Variants in CCDC172 observed in about 807,000 individuals in gnomAD.
CCDC172 encodes coiled-coil domain containing 172, also known as coiled-coil domain-containing protein 172.
In CCDC172, 30 loss-of-function variants were observed where a neutral mutation model predicts 38.0. The observed-to-expected ratio is 0.79, with a 90% CI of 0.59 to 1.07. The LOEUF (loss-of-function observed/expected upper bound fraction) is 1.07. Ranked by LOEUF, CCDC172 falls within the 50% of genes least tolerant of loss-of-function variation. CCDC172 has a pLI of 0.00. For synonymous variants in CCDC172, 78 were observed against 88.3 expected, an observed-to-expected ratio of 0.88 and a Z score of 0.66; for missense variants, 297 against 290.1, an observed-to-expected ratio of 1.02 and a Z score of -0.17.
chr10:116,353,374 T>A (rs1203024635), intron 5 of CCDC172, among the ~76,000 whole-genome samples: 1 of 152,140 alleles, frequency 6.6e-6, no homozygotes, highest in South Asian at 2.1e-4. Context: ...AGCAATAAAG[T>A]ATAGATAAAT....
intron 3 of CCDC172, among the ~76,000 whole-genome samples, chr10:116,336,273 ATAT>A (rs1190474181): frequency 3.4e-5 from 5 of 148,248 alleles, no homozygotes; most frequent in African/African-American, 7.4e-5. Context: ...ATTATATGTG[ATAT>A]TATATATTAT....
At chr10:116,340,897 A>C (rs1488107318) in intron 4 of CCDC172, 47 bp downstream of exon 4, 1 of 995,384 alleles carries the variant, frequency 1.0e-6, no homozygotes. Flanking sequence ...AATATGTAAA[A>C]AAGTATTCAA....
At chr10:116,377,309 A>T (rs1036770323) in intron 7 of CCDC172, among the ~76,000 whole-genome samples, 3 of 152,116 alleles carry the variant, frequency 2.0e-5, no homozygotes, top group Admixed American at 2.0e-4. Flanking sequence ...GTTGCTATGA[A>T]TCTCCTATTT....
intron 5 of CCDC172, among the ~76,000 whole-genome samples, chr10:116,352,319 ATGTT>A (rs1589953856): frequency 6.6e-6 from 1 of 152,204 alleles, no homozygotes; most frequent in East Asian, 1.9e-4. Flanking sequence ...AGTAAACACA[ATGTT>A]TGGTATACAG....
intron 5 of CCDC172, among the ~76,000 whole-genome samples, chr10:116,353,192 C>CAAAAAAAAAAAAAAA (rs111993326): frequency 1.1e-4 from 16 of 145,900 alleles, no homozygotes; most frequent in Admixed American, 2.0e-4. Flanking sequence ...GACTCCATCT[C>CAAAAAAAAAAAAAAA]AAAAAAAAAA....
At chr10:116,344,778 T>C (rs1844844216) in intron 5 of CCDC172, among the ~76,000 whole-genome samples, 1 of 152,080 alleles carries the variant, frequency 6.6e-6, no homozygotes, top group Admixed American at 6.6e-5. Context: ...AAAACACATG[T>C]TGTATGAATA....
chr10:116,378,312 A>T (rs1845272514), intron 7 of CCDC172, 111 bp from the exon 8 acceptor site: 1 of 1,047,080 alleles, frequency 9.6e-7, no homozygotes, highest in Non-Finnish European at 1.3e-6. Flanking sequence ...CCAATTATTT[A>T]GTCTTAACTT....
At chr10:116,348,751 A>G (rs932011300) in intron 5 of CCDC172, among the ~76,000 whole-genome samples, 1 of 152,108 alleles carries the variant, frequency 6.6e-6, no homozygotes, top group East Asian at 1.9e-4. Context: ...AGCCTCACCC[A>G]GCAGCTTCTT....
intron 7 of CCDC172, among the ~76,000 whole-genome samples, chr10:116,377,488 A>G (rs1845261136): frequency 2.0e-5 from 3 of 152,192 alleles, no homozygotes. Context: ...TTCAGTTCTA[A>G]CCAACCTATT....
At chr10:116,363,122 T>G (rs1381012767) in intron 7 of CCDC172, among the ~76,000 whole-genome samples, 1 of 152,232 alleles carries the variant, frequency 6.6e-6, no homozygotes, top group Non-Finnish European at 1.5e-5. Context: ...CAGATTTCTT[T>G]TTTCATTTTC....
At chr10:116,327,823 A>G (rs1844609770) in intron 3 of CCDC172, among the ~76,000 whole-genome samples, 1 of 152,106 alleles carries the variant, frequency 6.6e-6, no homozygotes, top group Admixed American at 6.5e-5. Context: ...CACAATTATA[A>G]TGCATATGAC....
chr10:116,325,636 G>A (rs1193771806), intron 3 of CCDC172, among the ~76,000 whole-genome samples: 1 of 152,134 alleles, frequency 6.6e-6, no homozygotes, highest in Non-Finnish European at 1.5e-5. Flanking sequence ...TTTGTGGGAT[G>A]GTTAAGGTTT....
intron 7 of CCDC172, among the ~76,000 whole-genome samples, chr10:116,368,308 A>C (rs1408015979): frequency 6.6e-6 from 1 of 152,074 alleles, no homozygotes; most frequent in African/African-American, 2.4e-5. Flanking sequence ...TCCTCCTTGA[A>C]TCAGTTATTA....
chr10:116,342,688 T>C (rs1844810864), intron 5 of CCDC172, among the ~76,000 whole-genome samples: 1 of 152,142 alleles, frequency 6.6e-6, no homozygotes, highest in Admixed American at 6.5e-5. Flanking sequence ...ATTGTAATCC[T>C]TAATGTTGGA....
intron 3 of CCDC172, among the ~76,000 whole-genome samples, chr10:116,331,359 A>G (rs951009544): frequency 6.6e-6 from 1 of 152,116 alleles, no homozygotes; most frequent in Non-Finnish European, 1.5e-5. Flanking sequence ...TGACCTCCCT[A>G]TATAAAATAG....
rs141679647 is a variant in CCDC172, at chr10:116,341,107, A to G, written c.282+257A>G. Among the ~76,000 whole-genome samples, 204 of 152,104 alleles carry G rather than the reference A, an allele frequency of 1.3e-3. 2 individuals are homozygous for G. The highest frequency in any genetic ancestry group is 4.8e-3 in the African/African-American group (198 of 41,560). On this transcript the variant is annotated intron_variant, in intron 4 of 8. Transcript: ENST00000333254. ...AAAAGAAACAGTGGAACTGATTTGA[A>G]TTGCTCAAGCATTGAGACCTTGGAT... is the stretch of plus-strand genomic sequence containing the variant.
rs1845291350 is a variant in CCDC172, at chr10:116,379,877, C to G, written c.*519C>G. The G allele has an allele frequency of 6.6e-6, 1 of 152,286 alleles. No homozygotes were observed. The highest frequency in any genetic ancestry group is 2.4e-5 in the African/African-American group (1 of 41,420). 9.4% of individuals were successfully genotyped at this position (152,286 alleles called of 1,614,324 possible). A position where few individuals can be genotyped will look rare whatever the true frequency, so the allele number is the denominator to read the frequency against. ...TAGTGTATAGCACTTCTCCACTTTGCTCCTGCTGCCACCGTATGAGATGTC... is the reference window on the plus strand; with the variant it reads ...TAGTGTATAGCACTTCTCCACTTTGGTCCTGCTGCCACCGTATGAGATGTC... On this transcript the variant is annotated 3_prime_UTR_variant, in exon 9 of 9. Coordinates refer to ENST00000333254, the MANE Select transcript of CCDC172 (RefSeq NM_198515.3).
intron 5 of CCDC172, among the ~76,000 whole-genome samples, chr10:116,353,286 G>C (rs1844955546): frequency 6.6e-6 from 1 of 152,084 alleles, no homozygotes; most frequent in Non-Finnish European, 1.5e-5. Flanking sequence ...AGCTAAAAAT[G>C]AAAAACTCTT....
intron 5 of CCDC172, among the ~76,000 whole-genome samples, chr10:116,348,452 C>A (rs1844893047): frequency 6.6e-6 from 1 of 151,970 alleles, no homozygotes; most frequent in Non-Finnish European, 1.5e-5. Flanking sequence ...TGAATAATCT[C>A]CATTTTTAAC....
Sources: gnomAD v4.1 joint callset for allele counts (sites outside exome capture counted in the v4.1 genomes callset) on GRCh38, gnomAD v4.1.1 for gene constraint, MANE v1.5 for transcripts, NCBI Gene and HGNC (gene_info 2026-07-23, HGNC 2026-07-21) for gene names.